MRE11: variants seen among roughly 807,000 people sequenced by gnomAD.
MRE11 encodes double-strand break repair protein MRE11.
A neutral mutation model predicts 91.7 loss-of-function variants in MRE11; 62 were observed. That is an observed-to-expected ratio of 0.68 (90% CI 0.55 to 0.84). The LOEUF (loss-of-function observed/expected upper bound fraction) is 0.84, where lower values mean the gene tolerates loss of function less well. MRE11 is among the 40% of genes least tolerant of loss of function. The pLI, the probability that MRE11 is intolerant of heterozygous loss-of-function variation, is 0.00. For synonymous variants in MRE11, 273 were observed against 271.4 expected (o/e 1.01, Z -0.06); for missense variants, 796 against 852.9 (o/e 0.93, Z 0.83).
intron 15 of MRE11, 120 bp from the exon 16 acceptor site, chr11:94,446,013 G>A (rs777606442): frequency 2.2e-5 from 17 of 758,036 alleles, no homozygotes; most frequent in Non-Finnish European, 3.5e-5. Context: ...TAAAAAGCCA[G>A]ACATATATAT....
At chr11:94,465,838 T>C (rs1251739104) in intron 10 of MRE11, among the ~76,000 whole-genome samples, 6 of 152,240 alleles carry the variant, frequency 3.9e-5, no homozygotes, top group Non-Finnish European at 5.9e-5. Context: ...GTTCTAAGTA[T>C]GCTGTTCAGG....
rs114262770 is a variant in MRE11, at chr11:94,482,082, C to T, written c.315-2321G>A. 2.8e-3 allele frequency among the ~76,000 whole-genome samples: 432 copies of T among 152,248 alleles called. 2 individuals are homozygous for T. Among genetic ancestry groups the T allele is most frequent in the African/African-American group, 0.01 (418 of 41,504 alleles). On this transcript the variant is annotated intron_variant, in intron 4 of 19. Coordinates refer to ENST00000323929, the MANE Select transcript of MRE11 (RefSeq NM_005591.4). ...ACATTAGAATATATGATAAAGCCCA[C>T]GCGGAACAAACAGAATTAAATCCAC...
intron 6 of MRE11, among the ~76,000 whole-genome samples, chr11:94,476,928 C>T (rs1366043840): frequency 6.6e-6 from 1 of 152,128 alleles, no homozygotes; most frequent in African/African-American, 2.4e-5. Flanking sequence ...CCACGTTGGA[C>T]AGGCTGGTCT....
chr11:94,492,971 T>C (rs1947329659), intron 1 of MRE11, 65 bp from the exon 2 acceptor site: 1 of 658,644 alleles, frequency 1.5e-6, no homozygotes, highest in Non-Finnish European at 2.7e-6. Context: ...ACCAACATGA[T>C]TTACGCTGCA....
chr11:94,422,235 A>G (rs1945189079), intron 19 of MRE11, among the ~76,000 whole-genome samples: 1 of 152,182 alleles, frequency 6.6e-6, no homozygotes, highest in Non-Finnish European at 1.5e-5. Flanking sequence ...AAATTAATAA[A>G]GGCAAGAGGT....
At chr11:94,463,452 A>G (rs1946475458) in intron 11 of MRE11, among the ~76,000 whole-genome samples, 2 of 152,176 alleles carry the variant, frequency 1.3e-5, no homozygotes, top group Non-Finnish European at 2.9e-5. Flanking sequence ...AAGGATTATA[A>G]ATCATGCTGC....
At chr11:94,447,830 T>A (rs898186374) in intron 14 of MRE11, among the ~76,000 whole-genome samples, 1 of 151,986 alleles carries the variant, frequency 6.6e-6, no homozygotes, top group Non-Finnish European at 1.5e-5. Context: ...AGAGAGACCC[T>A]GTCTCAAAAA....
At chr11:94,461,446 A>G (rs1413885485) in intron 11 of MRE11, among the ~76,000 whole-genome samples, 2 of 152,236 alleles carry the variant, frequency 1.3e-5, no homozygotes, top group East Asian at 3.9e-4. Context: ...ACGTCAAGGT[A>G]GTTCGGTATT....
At chr11:94,511,435 T>G in the MRE11 span, among the ~76,000 whole-genome samples, 18 of 152,352 alleles carry the variant, frequency 1.2e-4, no homozygotes, top group South Asian at 1.4e-3. Flanking sequence ...AATGCAAGAC[T>G]AGCCTAATAC....
In MRE11 at chr11:94,437,101, T is replaced by G. The variant is rs1591642301; in HGVS notation, c.1926+76A>C. 4 of 1,295,506 alleles carry G rather than the reference T, an allele frequency of 3.1e-6. No homozygotes were observed. The Admixed American group carries it at 7.8e-5, about 25-fold the overall frequency. The allele number at this position is 1,295,506 out of a possible 1,614,324, so 80.3% of individuals were successfully genotyped here. Reference sequence around the variant, plus strand: ...AATTTTTCTTCTTTTATTTACTTTGTAAATCAGAGAGTTGACAATTCATAA... The same window carrying G: ...AATTTTTCTTCTTTTATTTACTTTGGAAATCAGAGAGTTGACAATTCATAA... On this transcript the variant is annotated intron_variant, in intron 17 of 19. Coordinates refer to ENST00000323929, the MANE Select transcript of MRE11 (RefSeq NM_005591.4).
In MRE11 at chr11:94,478,893, C is replaced by T. The variant is rs1171162012; in HGVS notation, c.403-17G>A. The T allele has an allele frequency of 6.2e-7, 1 of 1,612,560 alleles. No individual in the cohort carries two copies. The highest frequency in any genetic ancestry group is 1.3e-5 in the African/African-American group (1 of 74,904). ...TGCATCTGCCTATGCAAAATAATTT[C>T]AAAGAATGTTAGTGTGTATGTAAAA... is the stretch of plus-strand genomic sequence containing the variant. On this transcript the variant is annotated splice_polypyrimidine_tract_variant and intron_variant, in intron 5 of 19. Coordinates refer to ENST00000323929, the MANE Select transcript of MRE11 (RefSeq NM_005591.4).
At chr11:94,510,355 G>A in the MRE11 span, among the ~76,000 whole-genome samples, 1 of 151,996 alleles carries the variant, frequency 6.6e-6, no homozygotes, top group Non-Finnish European at 1.5e-5. Flanking sequence ...TTCTGATATT[G>A]GTGAAACTAA....
intron 16 of MRE11, among the ~76,000 whole-genome samples, chr11:94,437,681 T>C (rs1945658560): frequency 6.6e-6 from 1 of 152,214 alleles, no homozygotes; most frequent in Admixed American, 6.5e-5. Context: ...ATATTCAATA[T>C]CTAAGAAATA....
At chr11:94,430,238 T>C (rs1004513071) in intron 18 of MRE11, among the ~76,000 whole-genome samples, 1 of 152,196 alleles carries the variant, frequency 6.6e-6, no homozygotes, top group Non-Finnish European at 1.5e-5. Flanking sequence ...GTGCTTCAAT[T>C]TCCTCATCTG....
chr11:94,503,816 G>A, the MRE11 span, among the ~76,000 whole-genome samples: 23 of 113,826 alleles, frequency 2.0e-4, no homozygotes, highest in Admixed American at 1.8e-3. Flanking sequence ...GACAGAGCGA[G>A]ACTCCGTCTC....
At chr11:94,480,443 C>T (rs1946984846) in intron 4 of MRE11, among the ~76,000 whole-genome samples, 1 of 152,254 alleles carries the variant, frequency 6.6e-6, no homozygotes, top group Non-Finnish European at 1.5e-5. Context: ...TTGCATGGAT[C>T]ACCACAATGT....
rs562316783 is a variant in MRE11 at position 94,484,996 on chromosome 11, G to A, written c.314+928C>T. Among the ~76,000 whole-genome samples the A allele has an allele frequency of 5.9e-5, 9 of 152,324 alleles. No homozygotes were observed. In the East Asian group the frequency reaches 1.3e-3, roughly 23 times the overall value. ...GGAGGCCAAGGCAGGTGGATTACCT[G>A]AGGTCTGGAGTTCAAGACCAGCCTG... is the stretch of plus-strand genomic sequence containing the variant. On this transcript the variant is annotated intron_variant, in intron 4 of 19. Transcript: ENST00000323929.
intron 3 of MRE11, among the ~76,000 whole-genome samples, chr11:94,487,206 AAC>A (rs1947163688): frequency 6.6e-6 from 1 of 152,146 alleles, no homozygotes; most frequent in South Asian, 2.1e-4. Context: ...GAACATATTT[AAC>A]ACTACTGTAC....
At chr11:94,435,418 T>C (rs1272391276) in intron 18 of MRE11, among the ~76,000 whole-genome samples, 1 of 152,068 alleles carries the variant, frequency 6.6e-6, no homozygotes, top group Non-Finnish European at 1.5e-5. Context: ...TAGCCACGTG[T>C]GGTGGTGCAC....
Sources: allele counts gnomAD v4.1 joint callset (sites outside exome capture counted in the v4.1 genomes callset), GRCh38; gene constraint gnomAD v4.1.1; transcripts MANE v1.5; gene names NCBI Gene and HGNC (gene_info 2026-07-23, HGNC 2026-07-21).